The following CCBE1 variants were observed in gnomAD, a reference collection of about 807,000 sequenced individuals.
The protein encoded by CCBE1 is collagen and calcium-binding EGF domain-containing protein 1.
In CCBE1, 37 loss-of-function variants were observed where a neutral mutation model predicts 50.0. The ratio of observed to expected loss-of-function variants is 0.74; its 90% CI spans 0.57 to 0.97. The LOEUF (loss-of-function observed/expected upper bound fraction) is 0.97, where lower values mean the gene tolerates loss of function less well. Among genes scored for constraint, CCBE1 ranks in the 50% least tolerant of loss-of-function variants. CCBE1 has a pLI of 0.00. For synonymous variants in CCBE1, 234 were observed against 203.7 expected, an observed-to-expected ratio of 1.15 and a Z score of -1.27; for missense variants, 538 against 523.8, an observed-to-expected ratio of 1.03 and a Z score of -0.26.
At chr18:59,693,137 T>A (rs4081863) in intron 2 of CCBE1, among the ~76,000 whole-genome samples, 6,052 of 152,236 alleles carry the variant, frequency 0.04, 244 homozygotes, top group African/African-American at 0.099. Context: ...TTCTTTTTTT[T>A]AAATAATCAT....
At chr18:59,643,245 C>A (rs1290478162) in intron 2 of CCBE1, among the ~76,000 whole-genome samples, 1 of 152,110 alleles carries the variant, frequency 6.6e-6, no homozygotes, top group Non-Finnish European at 1.5e-5. Flanking sequence ...TAAATCAGAC[C>A]TTAAATATTT....
chr18:59,636,435 C>A (rs370763235), intron 2 of CCBE1, among the ~76,000 whole-genome samples: 3 of 152,314 alleles, frequency 2.0e-5, no homozygotes, highest in South Asian at 4.1e-4. Flanking sequence ...CAGATCTAGG[C>A]ATCTGGAGAT....
At chr18:59,577,797 G>A (rs1428301943) in intron 2 of CCBE1, among the ~76,000 whole-genome samples, 2 of 152,172 alleles carry the variant, frequency 1.3e-5, no homozygotes, top group Non-Finnish European at 2.9e-5. Context: ...CCAATCTACA[G>A]AGCTAAAATA....
intron 2 of CCBE1, among the ~76,000 whole-genome samples, chr18:59,548,613 AC>A (rs1325941180): frequency 6.6e-6 from 1 of 152,202 alleles, no homozygotes. Flanking sequence ...CAACTGACCA[AC>A]CCATTGCAGA....
chr18:59,686,518 TTC>T (rs1307334522), intron 2 of CCBE1, among the ~76,000 whole-genome samples: 1 of 152,240 alleles, frequency 6.6e-6, no homozygotes, highest in African/African-American at 2.4e-5. Flanking sequence ...CTAGAACAGC[TTC>T]TGACAGTGAG....
intron 2 of CCBE1, among the ~76,000 whole-genome samples, chr18:59,561,585 T>A (rs562096288): frequency 2.6e-5 from 4 of 152,230 alleles, no homozygotes; most frequent in Non-Finnish European, 5.9e-5. Context: ...AAGGTATAAC[T>A]GCCCTGCTGA....
chr18:59,451,195 T>A (rs1409180347), intron 6 of CCBE1, among the ~76,000 whole-genome samples: 1 of 152,096 alleles, frequency 6.6e-6, no homozygotes, highest in Non-Finnish European at 1.5e-5. Context: ...TGAATGATTA[T>A]CCACACTTCC....
chr18:59,502,863 C>A (rs991302267), intron 2 of CCBE1, among the ~76,000 whole-genome samples: 5 of 152,296 alleles, frequency 3.3e-5, no homozygotes, highest in African/African-American at 9.6e-5. Context: ...AGGCCTGCTG[C>A]AACCCTTCTA....
Position 59,435,807 on chromosome 18 carries a change from G to A in CCBE1, c.*101C>T. On this transcript the variant is annotated 3_prime_UTR_variant, in exon 11 of 11. Coordinates refer to ENST00000439986, the MANE Select transcript of CCBE1 (RefSeq NM_133459.4). ...CGTCAGGAGAAGAGAAGAGAAAAAT[G>A]TATGTTTTCTAGGTCTCCAGTGGTC... The A allele has an allele frequency of 3.9e-6, 4 of 1,025,660 alleles. No homozygotes were observed. The highest frequency in any genetic ancestry group is 2.4e-5 in the East Asian group (1 of 42,218). 63.5% of individuals were successfully genotyped at this position (1,025,660 alleles called of 1,614,324 possible). A position where few individuals can be genotyped will look rare whatever the true frequency, so the allele number is the denominator to read the frequency against.
At chr18:59,471,679 C>A (rs911611968) in intron 3 of CCBE1, among the ~76,000 whole-genome samples, 2 of 152,202 alleles carry the variant, frequency 1.3e-5, no homozygotes, top group Non-Finnish European at 2.9e-5. Context: ...GACTTGGGCT[C>A]TGGAGACCAC....
At chr18:59,444,255 G>A (rs760667105) in intron 7 of CCBE1, among the ~76,000 whole-genome samples, 1 of 152,142 alleles carries the variant, frequency 6.6e-6, no homozygotes, top group Non-Finnish European at 1.5e-5. Flanking sequence ...TCAAGATCCT[G>A]CTTTTAATTC....
At chr18:59,596,430 C>T (rs2053351737) in intron 2 of CCBE1, among the ~76,000 whole-genome samples, 2 of 152,242 alleles carry the variant, frequency 1.3e-5, no homozygotes, top group Admixed American at 1.3e-4. Flanking sequence ...GTATTTTTTT[C>T]AATACCTAGA....
intron 2 of CCBE1, among the ~76,000 whole-genome samples, chr18:59,596,268 T>C (rs368936670): frequency 6.6e-6 from 1 of 152,154 alleles, no homozygotes; most frequent in Non-Finnish European, 1.5e-5. Flanking sequence ...AAAGTACCAA[T>C]GTCAGGGTCC....
chr18:59,439,297 A>G (rs1910303050), intron 9 of CCBE1, among the ~76,000 whole-genome samples: 1 of 149,482 alleles, frequency 6.7e-6, no homozygotes, highest in Non-Finnish European at 1.5e-5. Flanking sequence ...AAAAAGAAAA[A>G]AAAAGAAAAA....
rs1599147855 is a variant in CCBE1 at position 59,697,148 on chromosome 18, C to G, written c.131+64G>C. On this transcript the variant is annotated intron_variant, in intron 1 of 10. Transcript: ENST00000439986. The stretch of plus-strand genomic sequence containing the variant: ...AGTGGGCGCCGGGGAGGACCGCCCG[C>G]ACCCCGCGAGCCGGGCGCGCATCAA... The G allele has an allele frequency of 5.8e-6, 9 of 1,544,248 alleles. No individual in the cohort carries two copies. The East Asian group carries it at 2.2e-4, about 38-fold the overall frequency.
chr18:59,547,178 G>A (rs541467824), intron 2 of CCBE1, among the ~76,000 whole-genome samples: 10 of 151,604 alleles, frequency 6.6e-5, no homozygotes, highest in Non-Finnish European at 1.2e-4. Flanking sequence ...GGGAGAGAGA[G>A]GCACAATGGC....
At chr18:59,442,619 T>C (rs7230593) in intron 7 of CCBE1, among the ~76,000 whole-genome samples, 81,996 of 151,804 alleles carry the variant, frequency 0.54, 22,422 homozygotes, top group East Asian at 0.68. Flanking sequence ...TCCTAGCTGC[T>C]TGGGAGACTG....
At chr18:59,556,695 A>C (rs1348843533) in intron 2 of CCBE1, among the ~76,000 whole-genome samples, 4 of 152,184 alleles carry the variant, frequency 2.6e-5, no homozygotes, top group African/African-American at 9.6e-5. Context: ...ATTATTTGGA[A>C]AAAAAATCAA....
At chr18:59,470,329 C>A (rs1237946089) in intron 3 of CCBE1, among the ~76,000 whole-genome samples, 1 of 152,064 alleles carries the variant, frequency 6.6e-6, no homozygotes, top group Non-Finnish European at 1.5e-5. Flanking sequence ...AAAGACCCAC[C>A]CCATGATTCA....
Sources: allele counts gnomAD v4.1 joint callset (sites outside exome capture counted in the v4.1 genomes callset), GRCh38; gene constraint gnomAD v4.1.1; transcripts MANE v1.5; gene names NCBI Gene and HGNC (gene_info 2026-07-23, HGNC 2026-07-21).